MAD1L1: variants seen among roughly 807,000 people sequenced by gnomAD.
MAD1L1 encodes mitotic arrest deficient 1 like 1.
A neutral mutation model predicts 96.9 loss-of-function variants in MAD1L1; 95 were observed. That is an observed-to-expected ratio of 0.98 (90% confidence interval 0.83 to 1.16). The LOEUF (loss-of-function observed/expected upper bound fraction) is 1.16, where lower values mean the gene tolerates loss of function less well. MAD1L1 is among the 50% of genes most tolerant of loss of function. The pLI, the probability that MAD1L1 is intolerant of heterozygous loss-of-function variation, is 0.00. For missense variants in MAD1L1, 1,007 were observed against 954.4 expected (o/e 1.06, Z -0.73); for synonymous variants, 473 against 396.6 (o/e 1.19, Z -2.29).
At chr7:1,874,229 G>A (rs1785257746) in intron 18 of MAD1L1, among the ~76,000 whole-genome samples, 2 of 152,158 alleles carry the variant, frequency 1.3e-5, no homozygotes, top group African/African-American at 4.8e-5. Flanking sequence ...TAAGACCCGG[G>A]GTCTCCCACC....
chr7:2,026,747 A>G (rs570166537), intron 12 of MAD1L1, among the ~76,000 whole-genome samples: 5 of 152,234 alleles, frequency 3.3e-5, no homozygotes, highest in Admixed American at 6.5e-5. Flanking sequence ...GAGCCCAATG[A>G]TAAGGAAAAT....
intron 16 of MAD1L1, among the ~76,000 whole-genome samples, chr7:1,944,523 G>T (rs61318728): frequency 0.012 from 1,753 of 152,274 alleles, 26 homozygotes; most frequent in African/African-American, 0.041. Context: ...TCTCCACGGG[G>T]AGGACAAGGG....
At chr7:1,956,664 C>T (rs1004316474) in intron 16 of MAD1L1, among the ~76,000 whole-genome samples, 28 of 152,358 alleles carry the variant, frequency 1.8e-4, no homozygotes, top group African/African-American at 5.5e-4. Context: ...ATGCCAACCC[C>T]ACGGTACCTG....
intron 10 of MAD1L1, among the ~76,000 whole-genome samples, chr7:2,160,685 T>G (rs1233174724): frequency 1.3e-5 from 2 of 151,628 alleles, no homozygotes; most frequent in African/African-American, 4.8e-5. Flanking sequence ...CAGGCTGGAG[T>G]GCAGTGACAT....
intron 11 of MAD1L1, among the ~76,000 whole-genome samples, chr7:2,082,128 G>A (rs968310933): frequency 5.9e-5 from 9 of 152,148 alleles, no homozygotes; most frequent in Admixed American, 5.2e-4. Context: ...CAAGCTCCCG[G>A]GAACACCTGC....
Position 2,001,383 on chromosome 7 carries a change from G to T in MAD1L1, c.1416+682C>A, listed in dbSNP as rs751324388. ...ACCTACACTTTGTTTAGGCCAAAAC[G>T]CTTCAAAAGCAAAGCCCATTTGTTC... On this transcript the variant is annotated intron_variant, in intron 14 of 18. Coordinates refer to ENST00000265854, the MANE Select transcript of MAD1L1 (RefSeq NM_001013836.2). 1.2e-4 allele frequency among the ~76,000 whole-genome samples: 18 copies of T among 152,210 alleles called. 1 individual carries two copies. The highest frequency in any genetic ancestry group is 4.4e-5 in the Non-Finnish European group (3 of 68,022).
At chr7:1,830,067 C>T (rs1454380260) in intron 18 of MAD1L1, among the ~76,000 whole-genome samples, 1 of 152,166 alleles carries the variant, frequency 6.6e-6, no homozygotes, top group Non-Finnish European at 1.5e-5. Context: ...TTAAAGGAAG[C>T]CCTTCAGACA....
chr7:1,856,897 G>C (rs1251658265), intron 18 of MAD1L1, among the ~76,000 whole-genome samples: 2 of 152,140 alleles, frequency 1.3e-5, no homozygotes, highest in Admixed American at 6.5e-5. Flanking sequence ...CTGCCTGTGT[G>C]TCCCCAGGGA....
intron 18 of MAD1L1, among the ~76,000 whole-genome samples, chr7:1,874,125 C>A (rs116278193): frequency 2.0e-5 from 3 of 152,158 alleles, no homozygotes; most frequent in Non-Finnish European, 1.5e-5. Flanking sequence ...CCATCTGCAC[C>A]GGAGTGGGGA....
intron 18 of MAD1L1, among the ~76,000 whole-genome samples, chr7:1,873,529 G>C (rs576805676): frequency 6.6e-6 from 1 of 151,932 alleles, no homozygotes; most frequent in African/African-American, 2.4e-5. Context: ...TGAGGGGTAC[G>C]GGCAAAGCAC....
chr7:1,863,959 G>A (rs1784652772), intron 18 of MAD1L1, among the ~76,000 whole-genome samples: 1 of 152,182 alleles, frequency 6.6e-6, no homozygotes, highest in African/African-American at 2.4e-5. Context: ...ATGGTGGCAC[G>A]CACCTGTAAT....
intron 18 of MAD1L1, among the ~76,000 whole-genome samples, chr7:1,886,977 G>A (rs1167593190): frequency 6.6e-6 from 1 of 152,282 alleles, no homozygotes; most frequent in Non-Finnish European, 1.5e-5. Flanking sequence ...AGGCTTCAGG[G>A]CTGTCAGTGA....
At chr7:1,927,197 G>A (rs957785954) in intron 17 of MAD1L1, among the ~76,000 whole-genome samples, 2 of 152,090 alleles carry the variant, frequency 1.3e-5, no homozygotes, top group African/African-American at 4.8e-5. Context: ...GGGTGGGTAC[G>A]GTGAAAACCA....
chr7:1,841,805 C>A (rs942096159), intron 18 of MAD1L1, among the ~76,000 whole-genome samples: 4 of 152,208 alleles, frequency 2.6e-5, no homozygotes, highest in African/African-American at 9.7e-5. Context: ...AATGGGGAGA[C>A]CCCCAATCCT....
intron 18 of MAD1L1, among the ~76,000 whole-genome samples, chr7:1,850,430 G>A (rs1003373295): frequency 6.6e-6 from 1 of 152,250 alleles, no homozygotes; most frequent in African/African-American, 2.4e-5. Flanking sequence ...AACAGAAGCT[G>A]CTGCTTTACA....
At chr7:1,837,728 G>A (rs1481121468) in intron 18 of MAD1L1, among the ~76,000 whole-genome samples, 1 of 152,248 alleles carries the variant, frequency 6.6e-6, no homozygotes, top group African/African-American at 2.4e-5. Context: ...GGAAAACGTG[G>A]ATGAACCCGT....
At chr7:1,818,392 A>AT (rs952751109) in intron 18 of MAD1L1, among the ~76,000 whole-genome samples, 73 of 151,168 alleles carry the variant, frequency 4.8e-4, no homozygotes, top group Non-Finnish European at 8.7e-4. Flanking sequence ...TTCTAAAAAT[A>AT]TTTTTTTTTA....
chr7:1,855,781 C>A (rs1257014069), intron 18 of MAD1L1, among the ~76,000 whole-genome samples: 1 of 152,210 alleles, frequency 6.6e-6, no homozygotes, highest in African/African-American at 2.4e-5. Context: ...TCCACCCCAA[C>A]CCTTCCAGCC....
At chr7:1,828,704 C>A (rs1782553385) in intron 18 of MAD1L1, among the ~76,000 whole-genome samples, 2 of 151,704 alleles carry the variant, frequency 1.3e-5, no homozygotes, top group South Asian at 2.1e-4. Flanking sequence ...TAGGAACACA[C>A]ACACACGTGC....
Sources: gnomAD v4.1 joint callset for allele counts (sites outside exome capture counted in the v4.1 genomes callset) on GRCh38, gnomAD v4.1.1 for gene constraint, MANE v1.5 for transcripts, NCBI Gene and HGNC (gene_info 2026-07-23, HGNC 2026-07-21) for gene names.